SLC25A42: variants seen among roughly 807,000 people sequenced by gnomAD.
The protein encoded by SLC25A42 is mitochondrial coenzyme A transporter SLC25A42.
SLC25A42 carries 19 observed loss-of-function variants against 34.7 expected under a neutral mutation model. That is an observed-to-expected ratio of 0.55 (90% CI 0.38 to 0.80). SLC25A42 has a LOEUF of 0.80. Among genes scored for constraint, SLC25A42 ranks in the 30% least tolerant of loss-of-function variants. The pLI is 0.00. For synonymous variants in SLC25A42, 205 were observed against 191.2 expected, an observed-to-expected ratio of 1.07 and a Z score of -0.59; for missense variants, 364 against 441.3, an observed-to-expected ratio of 0.82 and a Z score of 1.57.
Position 19,107,290 on chromosome 19 carries a change from C to T in SLC25A42, c.498-604C>T, listed in dbSNP as rs552785371. Among the ~76,000 whole-genome samples, 3 of 141,746 alleles carry T rather than the reference C, an allele frequency of 2.1e-5. No homozygotes were observed. The East Asian group carries it at 6.3e-4, about 30-fold the overall frequency. The allele number at this position is 141,746 out of a possible 152,430, so 93.0% of individuals were successfully genotyped here. On this transcript the variant is annotated intron_variant, in intron 6 of 7. Transcript: ENST00000318596. The stretch of plus-strand genomic sequence containing the variant: ...CATGATCACGTCACTGCACTCCAGC[C>T]GGTCCACAGAGTGAGACCCTGTCTC...
intron 1 of SLC25A42, among the ~76,000 whole-genome samples, chr19:19,066,555 T>C (rs2145893623): frequency 6.6e-6 from 1 of 151,360 alleles, no homozygotes; most frequent in Middle Eastern, 3.4e-3. Context: ...TTCAAGCCAT[T>C]CTCCTGCCTC....
At chr19:19,087,431 A>T (rs1225013199) in intron 1 of SLC25A42, among the ~76,000 whole-genome samples, 2 of 151,976 alleles carry the variant, frequency 1.3e-5, no homozygotes, top group Non-Finnish European at 2.9e-5. Context: ...GGGATTATAG[A>T]TGCACACCAC....
At chr19:19,091,544 A>C (rs896168461) in intron 1 of SLC25A42, among the ~76,000 whole-genome samples, 17 of 152,056 alleles carry the variant, frequency 1.1e-4, no homozygotes, top group Non-Finnish European at 2.4e-4. Flanking sequence ...GCAAAATAGG[A>C]GGTGATGGGG....
intron 1 of SLC25A42, among the ~76,000 whole-genome samples, chr19:19,079,532 G>A (rs545742608): frequency 4.4e-4 from 67 of 152,166 alleles, no homozygotes; most frequent in South Asian, 1.2e-3. Flanking sequence ...TTTTGTGTCT[G>A]GCTTCTCTAC....
chr19:19,078,760 G>T (rs560506601), intron 1 of SLC25A42, among the ~76,000 whole-genome samples: 8 of 152,218 alleles, frequency 5.3e-5, no homozygotes, highest in African/African-American at 1.9e-4. Flanking sequence ...CTGTTATCCT[G>T]CCAGAGCAGA....
chr19:19,071,863 C>T (rs2059631643), intron 1 of SLC25A42, among the ~76,000 whole-genome samples: 1 of 150,156 alleles, frequency 6.7e-6, no homozygotes, highest in Non-Finnish European at 1.5e-5. Context: ...GAGAATCCGT[C>T]TCAAAAAAAA....
chr19:19,095,947 C>G, intron 1 of SLC25A42, 144 bp from the exon 2 acceptor site: 1 of 704,968 alleles, frequency 1.4e-6, no homozygotes, highest in South Asian at 1.5e-5. Flanking sequence ...TTAAGCAGTA[C>G]ACACAGGACC....
intron 1 of SLC25A42, among the ~76,000 whole-genome samples, chr19:19,080,584 C>T (rs1443734682): frequency 1.3e-5 from 2 of 151,942 alleles, no homozygotes; most frequent in Non-Finnish European, 2.9e-5. Context: ...GAGTTCGAGA[C>T]TAGCCTGGGC....
Position 19,079,057 on chromosome 19 carries a change from T to C in SLC25A42, c.-35+14942T>C, listed in dbSNP as rs141515981. 4.3e-4 allele frequency among the ~76,000 whole-genome samples: 66 copies of C among 151,892 alleles called. 1 individual carries two copies. Among genetic ancestry groups the C allele is most frequent in the Admixed American group, 3.9e-3 (59 of 15,246 alleles). Reference sequence around the variant, plus strand: ...TTTATTTTTTAGACAATTTTTTATTTTTTTATTTTTAATTTTTATTTTTTA... The same window carrying C: ...TTTATTTTTTAGACAATTTTTTATTCTTTTATTTTTAATTTTTATTTTTTA... On this transcript the variant is annotated intron_variant, in intron 1 of 7. Coordinates refer to ENST00000318596, the MANE Select transcript of SLC25A42 (RefSeq NM_178526.5).
chr19:19,108,911 G>A (rs1275787352), intron 7 of SLC25A42, among the ~76,000 whole-genome samples: 5 of 151,354 alleles, frequency 3.3e-5, no homozygotes, highest in African/African-American at 9.7e-5. Context: ...GGTGTGAGCC[G>A]CTGCACTCAG....
chr19:19,077,646 G>A (rs2059661540), intron 1 of SLC25A42, among the ~76,000 whole-genome samples: 1 of 152,190 alleles, frequency 6.6e-6, no homozygotes, highest in Non-Finnish European at 1.5e-5. Context: ...CCAGCGCTTT[G>A]GGAGGCCAAG....
In SLC25A42 at chr19:19,111,129, G is replaced by C. The variant is rs1269318190; in HGVS notation, c.*253G>C. 1 of 548,150 alleles carries C rather than the reference G, an allele frequency of 1.8e-6. No individual in the cohort carries two copies. Among genetic ancestry groups the C allele is most frequent in the Non-Finnish European group, 3.2e-6 (1 of 308,734 alleles). 34.0% of individuals were successfully genotyped at this position (548,150 alleles called of 1,614,324 possible). Reference sequence around the variant, plus strand: ...CCCTCTTCCTTCCTCTGCAGACGCTGGCGCTGTCTGCCGGAGGTGTTGCCC... The same window carrying C: ...CCCTCTTCCTTCCTCTGCAGACGCTCGCGCTGTCTGCCGGAGGTGTTGCCC... On this transcript the variant is annotated 3_prime_UTR_variant, in exon 8 of 8. Coordinates refer to ENST00000318596, the MANE Select transcript of SLC25A42 (RefSeq NM_178526.5).
Position 19,096,095 on chromosome 19 carries a change from G to A in SLC25A42, c.-30G>A, listed in dbSNP as rs779102008. The stretch of plus-strand genomic sequence containing the variant: ...CACCTCCCCTTACCCCCCCAGGACC[G>A]AGTCTCCTGCCATTCCGAGCAGGCC... On this transcript the variant is annotated 5_prime_UTR_variant, in exon 2 of 8. Transcript: ENST00000318596. The A allele has an allele frequency of 1.7e-5, 27 of 1,602,904 alleles. No homozygotes were observed. The highest frequency in any genetic ancestry group is 1.2e-4 in the Admixed American group (7 of 59,928).
chr19:19,102,535 G>A (rs1273877603), intron 3 of SLC25A42, among the ~76,000 whole-genome samples: 1 of 151,976 alleles, frequency 6.6e-6, no homozygotes, highest in Non-Finnish European at 1.5e-5. Context: ...CTTGAGGTCA[G>A]GAGTTTGAGA....
rs994231401 is a variant in SLC25A42, at chr19:19,109,977, G to C, written c.650-592G>C. On this transcript the variant is annotated intron_variant, in intron 7 of 7. Coordinates refer to ENST00000318596, the MANE Select transcript of SLC25A42 (RefSeq NM_178526.5). This position sits in a 1 kb window ranked among gnomAD's most constrained non-coding sequence, Gnocchi z 4.1. ...CTAGAATGTTCCTTTACTAGACGTG[G>C]AGTAGAGCTGATTAGATGTGAGCAG... Among the ~76,000 whole-genome samples, 2 of 152,156 alleles carry C rather than the reference G, an allele frequency of 1.3e-5. No individual in the cohort carries two copies. The highest frequency in any genetic ancestry group is 4.8e-5 in the African/African-American group (2 of 41,432).
chr19:19,100,025 G>A (rs539380565), intron 2 of SLC25A42, among the ~76,000 whole-genome samples: 18 of 151,772 alleles, frequency 1.2e-4, no homozygotes, highest in African/African-American at 3.9e-4. Flanking sequence ...ACAGTGCCCA[G>A]CCCCACTCTG....
chr19:19,070,223 C>A (rs1027631047), intron 1 of SLC25A42, among the ~76,000 whole-genome samples: 1 of 151,358 alleles, frequency 6.6e-6, no homozygotes, highest in Non-Finnish European at 1.5e-5. Context: ...TCTCGATCTC[C>A]TGACCTTGTG....
chr19:19,064,875 C>T (rs898169755), intron 1 of SLC25A42, among the ~76,000 whole-genome samples: 1 of 152,102 alleles, frequency 6.6e-6, no homozygotes, highest in Non-Finnish European at 1.5e-5. Flanking sequence ...AAAGCTTACC[C>T]CAGTGTTCAT....
In SLC25A42 at chr19:19,105,326, C is replaced by A. The variant is rs2059820114; in HGVS notation, c.214-235C>A. The A allele has an allele frequency of 5.1e-6, 3 of 592,250 alleles. No homozygotes were observed. The South Asian group carries it at 6.8e-5, about 13-fold the overall frequency. The allele number at this position is 592,250 out of a possible 1,614,324, so 36.7% of individuals were successfully genotyped here. A position where few individuals can be genotyped will look rare whatever the true frequency, so the allele number is the denominator to read the frequency against. On this transcript the variant is annotated intron_variant, in intron 4 of 7. Transcript: ENST00000318596. ...GTTCGCTTTGCAGTCCCCAAGAGAA[C>A]TTGGTGGGGTGGGAGGCCCAGAAAA... is the stretch of plus-strand genomic sequence containing the variant.
Sources: gnomAD v4.1 joint callset for allele counts (sites outside exome capture counted in the v4.1 genomes callset) on GRCh38, gnomAD v4.1.1 for gene constraint, Gnocchi (gnomAD v3.1) non-coding constraint, MANE v1.5 for transcripts, NCBI Gene and HGNC (gene_info 2026-07-23, HGNC 2026-07-21) for gene names.